STAU2: variants seen among roughly 807,000 people sequenced by gnomAD.
STAU2 encodes the protein double-stranded RNA-binding protein Staufen homolog 2.
STAU2 carries 20 observed loss-of-function variants against 65.9 expected under a neutral mutation model. The observed-to-expected ratio is 0.30, with a 90% CI of 0.21 to 0.44. The LOEUF (loss-of-function observed/expected upper bound fraction) is 0.44, where lower values mean the gene tolerates loss of function less well. Ranked by LOEUF, STAU2 falls within the 20% of genes least tolerant of loss-of-function variation. The pLI, the probability that STAU2 is intolerant of heterozygous loss-of-function variation, is 1.00. For missense variants in STAU2, 558 were observed against 683.9 expected (o/e 0.82, Z 2.05); for synonymous variants, 232 against 233.9 (o/e 0.99, Z 0.07).
At chr8:73,594,781 G>A (rs1326970548) in intron 11 of STAU2, among the ~76,000 whole-genome samples, 1 of 152,096 alleles carries the variant, frequency 6.6e-6, no homozygotes, top group Non-Finnish European at 1.5e-5. Flanking sequence ...TGCCCTAAAG[G>A]GATAAGTCAG....
intron 13 of STAU2, chr8:73,551,770 AAAG>A (rs1029444859): frequency 1.6e-5 from 19 of 1,169,472 alleles, no homozygotes; most frequent in East Asian, 1.5e-4. Flanking sequence ...AATGCTTAAA[AAAG>A]AAGAAGGAAA....
intron 5 of STAU2, among the ~76,000 whole-genome samples, chr8:73,673,576 G>C (rs1374260822): frequency 6.6e-6 from 1 of 152,024 alleles, no homozygotes; most frequent in Non-Finnish European, 1.5e-5. Context: ...ACTTACCCCA[G>C]AAAGCTTGCA....
At chr8:73,505,154 A>G (rs1334634010) in intron 13 of STAU2, among the ~76,000 whole-genome samples, 3 of 152,186 alleles carry the variant, frequency 2.0e-5, no homozygotes, top group African/African-American at 7.2e-5. Flanking sequence ...CAAAAGGATC[A>G]AAGAATGGGC....
intron 6 of STAU2, among the ~76,000 whole-genome samples, chr8:73,650,203 A>G (rs2130218083): frequency 1.3e-5 from 2 of 152,110 alleles, no homozygotes; most frequent in South Asian, 4.1e-4. Flanking sequence ...ATTCTCTATG[A>G]GAGCATAGAG....
chr8:73,600,345 T>A (rs1811544516), intron 10 of STAU2, among the ~76,000 whole-genome samples: 1 of 152,196 alleles, frequency 6.6e-6, no homozygotes, highest in African/African-American at 2.4e-5. Flanking sequence ...AAATATTTCA[T>A]TGCCTTTTTT....
intron 11 of STAU2, among the ~76,000 whole-genome samples, chr8:73,594,080 A>C (rs141747251): frequency 9.9e-5 from 15 of 152,184 alleles, no homozygotes; most frequent in Non-Finnish European, 1.5e-5. Flanking sequence ...TAGATCACTC[A>C]CCAGTTTTAA....
chr8:73,550,886 C>T, intron 13 of STAU2: 3 of 987,394 alleles, frequency 3.0e-6, no homozygotes, highest in Non-Finnish European at 3.6e-6. Flanking sequence ...AAAATACCCC[C>T]CAAAACACAT....
intron 13 of STAU2, among the ~76,000 whole-genome samples, chr8:73,530,849 C>CTA: frequency 6.6e-6 from 1 of 152,122 alleles, no homozygotes; most frequent in Non-Finnish European, 1.5e-5. Flanking sequence ...GCCAAAGTAA[C>CTA]ACTCACCAAC....
At chr8:73,657,734 C>T (rs971832500) in intron 6 of STAU2, among the ~76,000 whole-genome samples, 2 of 152,198 alleles carry the variant, frequency 1.3e-5, no homozygotes, top group East Asian at 1.9e-4. Context: ...AATTCAGAGG[C>T]CGGGTACAGT....
chr8:73,638,766 A>AGAT (rs1225689392), intron 6 of STAU2, among the ~76,000 whole-genome samples: 7 of 152,028 alleles, frequency 4.6e-5, no homozygotes, highest in Non-Finnish European at 7.4e-5. Context: ...TTCCATAAGA[A>AGAT]GATGCCACAA....
intron 1 of STAU2, among the ~76,000 whole-genome samples, chr8:73,744,634 A>G (rs1156850523): frequency 1.3e-5 from 2 of 152,214 alleles, no homozygotes; most frequent in African/African-American, 4.8e-5. Flanking sequence ...AAGCAAACCA[A>G]GCCACTCTTC....
chr8:73,595,234 C>A lies in STAU2; in HGVS notation c.1093G>T (p.Ala365Ser), dbSNP rs200304414. The change falls in exon 11 of 15, where the codon GCT (alanine) becomes TCT (serine). Residue 365 changes from alanine to serine, a missense_variant. Around this residue, in one of 3 missense-constraint regions of STAU2, gnomAD observed 247 missense variants for 270.1 expected, o/e 0.91. Coordinates refer to ENST00000524300, the MANE Select transcript of STAU2 (RefSeq NM_001164380.2). ...AGTTGTAACAGCATTGCTTCTGCAGCATTTTTTTTGGCTATCTTTTTATTA... is the reference window on the plus strand; with the variant it reads ...AGTTGTAACAGCATTGCTTCTGCAGAATTTTTTTTGGCTATCTTTTTATTA... ...GPNKKIAKKN[A>S]AEAMLLQLGY... 414 of 1,611,852 alleles carry A rather than the reference C, an allele frequency of 2.6e-4. No homozygotes were observed. Among genetic ancestry groups the A allele is most frequent in the Non-Finnish European group, 3.4e-4 (400 of 1,179,172 alleles).
chr8:73,734,360 C>T (rs1483228040), intron 3 of STAU2, among the ~76,000 whole-genome samples: 1 of 151,276 alleles, frequency 6.6e-6, no homozygotes, highest in East Asian at 1.9e-4. Context: ...CAGAAAAGTG[C>T]TATTATCTTA....
chr8:73,570,845 A>G (rs985976977), intron 12 of STAU2, among the ~76,000 whole-genome samples: 32 of 152,338 alleles, frequency 2.1e-4, no homozygotes, highest in Middle Eastern at 3.4e-3. Context: ...ATATCTAGCC[A>G]AACTAAGCTT....
At chr8:73,595,133 G>T (rs777048498) in intron 11 of STAU2, 33 bp downstream of exon 11, 23 of 1,533,398 alleles carry the variant, frequency 1.5e-5, no homozygotes, top group Non-Finnish European at 2.0e-5. Flanking sequence ...TATTATGACA[G>T]ATAGGATACA....
intron 4 of STAU2, among the ~76,000 whole-genome samples, chr8:73,690,594 T>C (rs1586281184): frequency 6.6e-6 from 1 of 152,158 alleles, no homozygotes; most frequent in Non-Finnish European, 1.5e-5. Flanking sequence ...GAGTGAAGTG[T>C]CATGGTAGCT....
At chr8:73,494,313 T>C (rs1051259967) in intron 13 of STAU2, among the ~76,000 whole-genome samples, 4 of 151,604 alleles carry the variant, frequency 2.6e-5, no homozygotes, top group Admixed American at 6.6e-5. Context: ...AATAGAGAGA[T>C]GAGGTGAACA....
chr8:73,672,468 T>C (rs13273010), intron 6 of STAU2: 73,256 of 151,900 alleles, frequency 0.48, 19,705 homozygotes, highest in Non-Finnish European at 0.62. Context: ...AAAGTATAAA[T>C]ACATATATAC....
chr8:73,553,148 T>G (rs1449629970), intron 12 of STAU2, among the ~76,000 whole-genome samples: 1 of 152,236 alleles, frequency 6.6e-6, no homozygotes, highest in Admixed American at 6.5e-5. Context: ...TGACTATCAT[T>G]TGTCTCAGAG....
Sources: gnomAD v4.1 joint callset for allele counts (sites outside exome capture counted in the v4.1 genomes callset) on GRCh38, gnomAD v4.1.1 for gene constraint, gnomAD v4.1.1 regional missense constraint, MANE v1.5 for transcripts, NCBI Gene and HGNC (gene_info 2026-07-23, HGNC 2026-07-21) for gene names.